Variants in TMCO5A observed in about 807,000 individuals in gnomAD.
The protein encoded by TMCO5A is transmembrane and coiled-coil domains 5A, also known as transmembrane and coiled-coil domain-containing protein 5A.
TMCO5A carries 34 observed loss-of-function variants against 42.3 expected under a neutral mutation model. That is an observed-to-expected ratio of 0.80 (90% confidence interval 0.61 to 1.07). The LOEUF is 1.07. Among genes scored for constraint, TMCO5A ranks in the 50% least tolerant of loss-of-function variants. The probability of loss-of-function intolerance (pLI) is 0.00; values close to 1 mark genes in which losing one functional copy is unlikely to be tolerated. For missense variants in TMCO5A, 357 were observed against 327.9 expected (o/e 1.09, Z -0.69); for synonymous variants, 131 against 115.6 (o/e 1.13, Z -0.86).
At chr15:38,040,037 G>A in the TMCO5A span, 1 of 152,268 alleles carries the variant, frequency 6.6e-6, no homozygotes, top group African/African-American at 2.4e-5. Context: ...CTGTCCTCAG[G>A]TTCCAGGGGC....
At position 37,951,095 on chromosome 15, in the gene TMCO5A, T is replaced by G. The variant is rs955198052; in HGVS notation, c.728T>G (p.Phe243Cys). 7.4e-6 allele frequency: 12 copies of G among 1,613,374 alleles called. No homozygotes were observed. Among genetic ancestry groups the G allele is most frequent in the Non-Finnish European group, 1.0e-5 (12 of 1,179,878 alleles). Residue 243 changes from phenylalanine to cysteine, a missense_variant, in exon 12 of 12, where the codon TTT becomes TGT. Transcript: ENST00000319669. ...TTCATCAGACTGCTGAGCTACATGT[T>G]TTTTCATGTAAGATTCATAAATCCA... ...LFFIRLLSYM[F>C]FHVRFINPDL...
the TMCO5A span, among the ~76,000 whole-genome samples, chr15:38,003,803 C>T: frequency 6.6e-5 from 10 of 151,912 alleles, no homozygotes; most frequent in African/African-American, 2.4e-4. Context: ...AAATAGGCTC[C>T]TCTGTGGCCC....
At chr15:38,035,297 G>A in the TMCO5A span, among the ~76,000 whole-genome samples, 1 of 152,282 alleles carries the variant, frequency 6.6e-6, no homozygotes, top group Admixed American at 6.5e-5. Flanking sequence ...CATGTAGGAT[G>A]CCAGCCTCTG....
At chr15:38,016,099 G>A in the TMCO5A span, among the ~76,000 whole-genome samples, 1 of 152,150 alleles carries the variant, frequency 6.6e-6, no homozygotes, top group Admixed American at 6.5e-5. Flanking sequence ...TTCATCAGTT[G>A]TAACAAATGC....
the TMCO5A span, among the ~76,000 whole-genome samples, chr15:38,013,124 G>A: frequency 2.0e-5 from 3 of 152,154 alleles, no homozygotes; most frequent in Non-Finnish European, 2.9e-5. Flanking sequence ...GTCAGCAGAG[G>A]CTGCTGATGA....
the TMCO5A span, among the ~76,000 whole-genome samples, chr15:38,002,215 T>C: frequency 6.6e-6 from 1 of 152,028 alleles, no homozygotes; most frequent in Admixed American, 6.6e-5. Flanking sequence ...AAGGTTTTTT[T>C]TTTTTCCTTC....
intron 5 of TMCO5A, 78 bp from the exon 6 acceptor site, chr15:37,938,080 T>C (rs1044268746): frequency 3.3e-6 from 4 of 1,226,068 alleles, no homozygotes; most frequent in Non-Finnish European, 4.7e-6. Flanking sequence ...AGGCCATAGT[T>C]ACTAATCTCC....
At chr15:37,944,844 C>A (rs1889879861) in intron 10 of TMCO5A, among the ~76,000 whole-genome samples, 2 of 152,036 alleles carry the variant, frequency 1.3e-5, no homozygotes, top group African/African-American at 4.8e-5. Flanking sequence ...AAATACAGGA[C>A]ATAGCCTCAT....
the TMCO5A span, among the ~76,000 whole-genome samples, chr15:38,038,406 C>CT: frequency 0.022 from 3,061 of 138,990 alleles, 32 homozygotes; most frequent in South Asian, 0.033. Context: ...ATGAAAATTT[C>CT]TTTTTTTTTT....
chr15:38,034,510 G>A, the TMCO5A span, among the ~76,000 whole-genome samples: 9 of 152,010 alleles, frequency 5.9e-5, no homozygotes, highest in East Asian at 1.9e-4. Context: ...TTAAAATATC[G>A]AAACGATGAA....
intron 6 of TMCO5A, 135 bp from the exon 7 acceptor site, chr15:37,941,014 A>C: frequency 1.4e-6 from 1 of 715,806 alleles, no homozygotes. Flanking sequence ...TGGGTGGCTT[A>C]ATTCCTCTAT....
chr15:38,030,852 C>T, the TMCO5A span, among the ~76,000 whole-genome samples: 1 of 152,170 alleles, frequency 6.6e-6, no homozygotes, highest in African/African-American at 2.4e-5. Context: ...TCAAGGAACC[C>T]TTTGATTGCC....
At chr15:37,977,069 G>A in the TMCO5A span, among the ~76,000 whole-genome samples, 2 of 152,082 alleles carry the variant, frequency 1.3e-5, no homozygotes, top group Non-Finnish European at 2.9e-5. Context: ...ACCGCATCCA[G>A]CCTGGTTCTT....
At chr15:37,943,208 C>T (rs1294071969) in intron 9 of TMCO5A, 133 bp from the exon 10 acceptor site, 2 of 695,848 alleles carry the variant, frequency 2.9e-6, no homozygotes, top group African/African-American at 3.7e-5. Flanking sequence ...ATTTAAATAG[C>T]TATAGGTAGA....
the TMCO5A span, among the ~76,000 whole-genome samples, chr15:38,017,023 G>A: frequency 9.2e-5 from 14 of 151,988 alleles, no homozygotes; most frequent in Non-Finnish European, 1.6e-4. Context: ...GAGAGGATAC[G>A]GCTGTATTTA....
the TMCO5A span, among the ~76,000 whole-genome samples, chr15:38,035,060 G>T: frequency 6.6e-6 from 1 of 152,164 alleles, no homozygotes; most frequent in Non-Finnish European, 1.5e-5. Flanking sequence ...TGGGAGTATG[G>T]ATAGAGCTTG....
At chr15:37,991,592 G>A in the TMCO5A span, among the ~76,000 whole-genome samples, 1 of 151,976 alleles carries the variant, frequency 6.6e-6, no homozygotes, top group Non-Finnish European at 1.5e-5. Flanking sequence ...TGGTCTGATG[G>A]TGTCCCACAG....
downstream of TMCO5A, among the ~76,000 whole-genome samples, chr15:37,954,416 G>C (rs1011224214): frequency 1.3e-5 from 2 of 152,044 alleles, no homozygotes; most frequent in African/African-American, 4.8e-5. Flanking sequence ...TGAAATGCTA[G>C]ATGAAATAAA....
chr15:38,032,288 T>G, the TMCO5A span, among the ~76,000 whole-genome samples: 1 of 152,116 alleles, frequency 6.6e-6, no homozygotes, highest in Non-Finnish European at 1.5e-5. Context: ...ATAAACAGCA[T>G]TTCCTCAGTA....
Sources: gnomAD v4.1 joint callset for allele counts (sites outside exome capture counted in the v4.1 genomes callset) on GRCh38, gnomAD v4.1.1 for gene constraint, MANE v1.5 for transcripts, NCBI Gene and HGNC (gene_info 2026-07-23, HGNC 2026-07-21) for gene names.